The following ROBO2 variants were observed in gnomAD, a reference collection of about 807,000 sequenced individuals.
ROBO2 encodes the protein roundabout guidance receptor 2, also known as roundabout homolog 2.
In ROBO2, 53 loss-of-function variants were observed where a neutral mutation model predicts 160.8. The ratio of observed to expected loss-of-function variants is 0.33; its 90% CI spans 0.26 to 0.41. The LOEUF (loss-of-function observed/expected upper bound fraction) is 0.41. Among genes scored for constraint, ROBO2 ranks in the 10% least tolerant of loss-of-function variants. The pLI, the probability that ROBO2 is intolerant of heterozygous loss-of-function variation, is 1.00. For synonymous variants in ROBO2, 664 were observed against 611.7 expected (o/e 1.09, Z -1.26); for missense variants, 1,577 against 1,722.4 (o/e 0.92, Z 1.49).
At chr3:77,135,899 T>C (rs1308399533) in intron 2 of ROBO2, among the ~76,000 whole-genome samples, 2 of 152,214 alleles carry the variant, frequency 1.3e-5, no homozygotes, top group African/African-American at 4.8e-5. Flanking sequence ...AGTAATATAT[T>C]CTGTCAGAGC....
intron 2 of ROBO2, among the ~76,000 whole-genome samples, chr3:76,712,988 A>C (rs2093323856): frequency 6.6e-6 from 1 of 152,224 alleles, no homozygotes; most frequent in South Asian, 2.1e-4. Flanking sequence ...GGACATATCC[A>C]AGGCTCTGAT....
chr3:77,068,336 A>G (rs1006718104), intron 1 of ROBO2, among the ~76,000 whole-genome samples: 2 of 152,162 alleles, frequency 1.3e-5, no homozygotes, highest in African/African-American at 4.8e-5. Flanking sequence ...ACTTTTGCCT[A>G]CAAGTTTCCT....
intron 2 of ROBO2, among the ~76,000 whole-genome samples, chr3:76,309,862 C>T (rs1019742149): frequency 2.6e-5 from 4 of 152,140 alleles, no homozygotes; most frequent in Admixed American, 1.3e-4. Flanking sequence ...CTTGCTCTAT[C>T]GCCCAGGCTG....
chr3:75,908,650 A>G (rs1306905259), intron 1 of ROBO2, among the ~76,000 whole-genome samples: 1 of 152,180 alleles, frequency 6.6e-6, no homozygotes, highest in African/African-American at 2.4e-5. Context: ...GACTACTGAA[A>G]TAATTATATA....
intron 14 of ROBO2, among the ~76,000 whole-genome samples, chr3:77,576,249 G>C (rs1337019291): frequency 2.0e-5 from 3 of 152,100 alleles, no homozygotes; most frequent in South Asian, 2.1e-4. Flanking sequence ...ACATGTTGCT[G>C]TGTGTGTCCT....
chr3:77,098,620 G>T (rs1447948577), intron 2 of ROBO2, among the ~76,000 whole-genome samples: 1 of 152,054 alleles, frequency 6.6e-6, no homozygotes, highest in Non-Finnish European at 1.5e-5. Flanking sequence ...GGCGGAGGCG[G>T]GCGGATCACG....
At chr3:77,234,895 G>A (rs2087728828) in intron 2 of ROBO2, among the ~76,000 whole-genome samples, 2 of 152,182 alleles carry the variant, frequency 1.3e-5, no homozygotes, top group African/African-American at 4.8e-5. Context: ...GGTGGGTGAT[G>A]CCAGTATCAA....
intron 2 of ROBO2, among the ~76,000 whole-genome samples, chr3:76,796,269 A>G (rs953306740): frequency 2.4e-4 from 36 of 152,210 alleles, no homozygotes; most frequent in Admixed American, 1.1e-3. Flanking sequence ...AAGGCTACCT[A>G]ATCTAACCTG....
intron 22 of ROBO2, among the ~76,000 whole-genome samples, chr3:77,618,956 G>A (rs948667832): frequency 5.9e-5 from 9 of 152,166 alleles, no homozygotes; most frequent in African/African-American, 2.2e-4. Context: ...ATGAAGCAAT[G>A]CAGTTTGGTC....
At chr3:77,003,239 A>C (rs947381740) in intron 2 of ROBO2, among the ~76,000 whole-genome samples, 7 of 152,220 alleles carry the variant, frequency 4.6e-5, no homozygotes, top group Admixed American at 1.3e-4. Context: ...ATACTTGATA[A>C]TTACTGTCCC....
At chr3:77,283,535 T>C (rs950216863) in intron 2 of ROBO2, among the ~76,000 whole-genome samples, 1 of 152,204 alleles carries the variant, frequency 6.6e-6, no homozygotes, top group African/African-American at 2.4e-5. Flanking sequence ...AGAGTATACA[T>C]ACCAACTACT....
intron 2 of ROBO2, among the ~76,000 whole-genome samples, chr3:76,549,579 G>T (rs1000426761): frequency 3.3e-5 from 5 of 152,196 alleles, no homozygotes; most frequent in Middle Eastern, 3.2e-3. Context: ...AAATATGCCT[G>T]TACCTGAGAA....
At chr3:76,954,603 A>G (rs2079138613) in intron 2 of ROBO2, among the ~76,000 whole-genome samples, 1 of 152,224 alleles carries the variant, frequency 6.6e-6, no homozygotes, top group African/African-American at 2.4e-5. Context: ...GCATGATGAA[A>G]ATAAACAAGG....
intron 2 of ROBO2, among the ~76,000 whole-genome samples, chr3:76,815,826 A>G (rs529453196): frequency 1.3e-5 from 2 of 152,150 alleles, no homozygotes; most frequent in South Asian, 4.1e-4. Context: ...TTCCTCACTC[A>G]TATTTAGTAA....
intron 6 of ROBO2, among the ~76,000 whole-genome samples, chr3:77,541,979 T>C (rs1296709677): frequency 1.3e-5 from 2 of 152,116 alleles, no homozygotes; most frequent in African/African-American, 4.8e-5. Context: ...GGAGTCATTA[T>C]AGAAAATCTA....
intron 2 of ROBO2, among the ~76,000 whole-genome samples, chr3:76,385,952 T>A (rs774759430): frequency 6.6e-6 from 1 of 152,186 alleles, no homozygotes; most frequent in African/African-American, 2.4e-5. Flanking sequence ...GCTACATGTG[T>A]GAAAGGTGAC....
rs55778369 is a variant in ROBO2, at chr3:76,141,159, C to CTATATATATATA, written c.109+203575_109+203586dup. ...TCTCTCTCTCTCTCTCTCTCTCTCT[C>CTATATATATATA]TATATATATATATATATATATATAT... On this transcript the variant is annotated intron_variant, in intron 2 of 26. Transcript: ENST00000487694. Among the ~76,000 whole-genome samples, 39 of 9,170 alleles carry CTATATATATATA rather than the reference C, an allele frequency of 4.3e-3. 1 individual carries two copies. The highest frequency in any genetic ancestry group is 5.0e-3 in the Non-Finnish European group (28 of 5,562). 6.0% of individuals were successfully genotyped at this position (9,170 alleles called of 152,430 possible).
At chr3:77,010,853 TCTCC>T (rs1162529987) in intron 2 of ROBO2, among the ~76,000 whole-genome samples, 3 of 93,502 alleles carry the variant, frequency 3.2e-5, no homozygotes, top group African/African-American at 4.2e-5. Flanking sequence ...TCCCTCCCTC[TCTCC>T]CTCCCTCCCT....
At chr3:76,726,772 A>G (rs2093559080) in intron 2 of ROBO2, among the ~76,000 whole-genome samples, 1 of 152,212 alleles carries the variant, frequency 6.6e-6, no homozygotes, top group Non-Finnish European at 1.5e-5. Context: ...AGTTCTTCAT[A>G]AATATCTGAC....
Sources: gnomAD v4.1 joint callset for allele counts (sites outside exome capture counted in the v4.1 genomes callset) on GRCh38, gnomAD v4.1.1 for gene constraint, MANE v1.5 for transcripts, NCBI Gene and HGNC (gene_info 2026-07-23, HGNC 2026-07-21) for gene names.